GCNA: variants seen among roughly 807,000 people sequenced by gnomAD.
The protein encoded by GCNA is germ cell nuclear acidic peptidase, also known as germ cell nuclear acidic protein.
GCNA carries 3 observed loss-of-function variants against 38.8 expected under a neutral mutation model. That is an observed-to-expected ratio of 0.08 (90% CI 0.04 to 0.20). The LOEUF is 0.20. GCNA is among the 10% of genes least tolerant of loss of function. The probability of loss-of-function intolerance (pLI) is 1.00; values close to 1 mark genes in which losing one functional copy is unlikely to be tolerated. For synonymous variants in GCNA, 195 were observed against 240.2 expected (o/e 0.81, Z 1.74); for missense variants, 446 against 578.6 (o/e 0.77, Z 2.35).
intron 2 of GCNA, among the ~76,000 whole-genome samples, chrX:71,591,066 G>T (rs1481349274): frequency 1.8e-5 from 2 of 111,394 alleles, no homozygotes; most frequent in African/African-American, 6.5e-5. Context: ...ATCCTCTGTG[G>T]ACTACGTGTC....
intron 2 of GCNA, among the ~76,000 whole-genome samples, chrX:71,585,364 A>G (rs2040578090): frequency 9.1e-6 from 1 of 110,389 alleles, no homozygotes; most frequent in African/African-American, 3.3e-5. Context: ...CAGCTCCATG[A>G]CCCTCAGTCA....
intron 9 of GCNA, among the ~76,000 whole-genome samples, chrX:71,607,901 A>T (rs1330635711): frequency 8.9e-6 from 1 of 112,863 alleles, no homozygotes; most frequent in Non-Finnish European, 1.9e-5. Context: ...GGGAAATTGC[A>T]ATTTGTGTCC....
intron 10 of GCNA, 95 bp from the exon 11 acceptor site, chrX:71,610,586 C>T (rs1394761967): frequency 9.3e-7 from 1 of 1,072,993 alleles, no homozygotes; most frequent in Non-Finnish European, 1.2e-6. Flanking sequence ...GCACTCCAGC[C>T]TGGGCAACAA....
At chrX:71,605,592 C>T in intron 8 of GCNA, 71 bp from the exon 9 acceptor site, 1 of 959,798 alleles carries the variant, frequency 1.0e-6, no homozygotes, top group South Asian at 2.2e-5. Flanking sequence ...TTGGGTTTAC[C>T]TTTCTGTTGG....
chrX:71,612,667 T>G, intron 12 of GCNA, 108 bp downstream of exon 12: 1 of 886,308 alleles, frequency 1.1e-6, no homozygotes, highest in Non-Finnish European at 1.6e-6. Flanking sequence ...GGAGAACCTC[T>G]CTCCTCCTTT....
At chrX:71,612,728 T>G in intron 12 of GCNA, 134 bp from the exon 13 acceptor site, 1 of 1,017,317 alleles carries the variant, frequency 9.8e-7, no homozygotes, top group Non-Finnish European at 1.3e-6. Flanking sequence ...GCCTGACCAC[T>G]GCTGCCGCTT....
rs768953247 is a variant in GCNA at position 71,612,890 on chromosome X, A to T, written c.1984A>T (p.Thr662Ser). The change falls in exon 13 of 13, where the codon ACC (threonine) becomes TCC (serine). Residue 662 changes from threonine to serine, a missense_variant. Transcript: ENST00000373696. ...TGGCTGCTACACCAAATCGTTGGAC[A>T]CCAGCCGCTTCATCTGTGCCAAATG... ...RIGCYTKSLDTSRFICAKCKG... is the reference protein window; with the variant it reads ...RIGCYTKSLDSSRFICAKCKG... The T allele has an allele frequency of 8.3e-7, 1 of 1,211,135 alleles. No homozygotes were observed. Among genetic ancestry groups the T allele is most frequent in the East Asian group, 3.0e-5 (1 of 33,846 alleles).
chrX:71,608,398 G>A (rs892149222), intron 9 of GCNA, among the ~76,000 whole-genome samples: 28 of 111,442 alleles, frequency 2.5e-4, no homozygotes, highest in African/African-American at 8.5e-4. Flanking sequence ...TCAGCCTCCC[G>A]AGTAGCTGGG....
chrX:71,604,223 G>A lies in GCNA; in HGVS notation c.946G>A (p.Glu316Lys), dbSNP rs779033693. The change falls in exon 8 of 13, where the codon GAA becomes AAA. Residue 316 changes from glutamate to lysine, a missense_variant. Around this residue, in one of 7 missense-constraint regions of GCNA, gnomAD observed 160 missense variants for 165.2 expected, o/e 0.97. Coordinates refer to ENST00000373696, the MANE Select transcript of GCNA (RefSeq NM_052957.5). ...DDKSDDSDVP[E>K]DKSDDSDVPD... The stretch of plus-strand genomic sequence containing the variant: ...CAAGAGTGATGATTCGGATGTTCCC[G>A]AAGACAAGAGTGATGATTCGGATGT... 7 of 1,211,554 alleles carry A rather than the reference G, an allele frequency of 5.8e-6. No homozygotes were observed. The African/African-American group carries it at 6.9e-5, about 12-fold the overall frequency.
At chrX:71,595,064 G>A (rs1311066588) in intron 6 of GCNA, among the ~76,000 whole-genome samples, 2 of 110,657 alleles carry the variant, frequency 1.8e-5, no homozygotes, top group Non-Finnish European at 3.8e-5. Flanking sequence ...AGCCCTTTTT[G>A]GTGTTTGCTC....
intron 10 of GCNA, 86 bp downstream of exon 10, chrX:71,609,203 C>A: frequency 1.0e-6 from 1 of 970,866 alleles, no homozygotes; most frequent in Non-Finnish European, 1.4e-6. Flanking sequence ...ATGTATACTT[C>A]CTGCCCTTGA....
intron 2 of GCNA, among the ~76,000 whole-genome samples, chrX:71,581,977 A>G (rs892256473): frequency 1.8e-3 from 190 of 104,252 alleles, no homozygotes; most frequent in South Asian, 3.3e-3. Flanking sequence ...GCTCTCTGGG[A>G]AAAAAAAAAA....
Position 71,604,575 on chromosome X carries a change from A to C in GCNA, c.1298A>C (p.Asn433Thr), listed in dbSNP as rs765238698. 1 of 1,195,862 alleles carries C rather than the reference A, an allele frequency of 8.4e-7. No individual in the cohort carries two copies. Among genetic ancestry groups the C allele is most frequent in the Non-Finnish European group, 1.1e-6 (1 of 887,148 alleles). ...PPRKRQTKTK[N>T]IVEPPRKRQT... ...AGGAAAAGGCAGACAAAGACCAAAA[A>C]TATAGTGGAGCCACCAAGGAAAAGG... is the stretch of plus-strand genomic sequence containing the variant. Residue 433 changes from asparagine (N) to threonine (T), a missense_variant, in exon 8 of 13, where the codon AAT becomes ACT. Around this residue, in one of 7 missense-constraint regions of GCNA, gnomAD observed 160 missense variants for 165.2 expected, o/e 0.97. Transcript: ENST00000373696.
chrX:71,602,919 GATTT>G lies in GCNA; in HGVS notation c.311-666_311-663del, dbSNP rs764877595. Among the ~76,000 whole-genome samples the G allele has an allele frequency of 6.4e-4, 72 of 112,455 alleles. No homozygotes were observed. In the East Asian group the frequency reaches 0.016, roughly 25 times the overall value. ...AGTAGTTTCATAGTTTGAGGTCTTAGATTTATGTCTTTAATCCATTTTGATTTGA... is the reference window on the plus strand; with the variant it reads ...AGTAGTTTCATAGTTTGAGGTCTTAGATGTCTTTAATCCATTTTGATTTGA... On this transcript the variant is annotated intron_variant, in intron 7 of 12. Coordinates refer to ENST00000373696, the MANE Select transcript of GCNA (RefSeq NM_052957.5).
At chrX:71,595,651 G>A (rs1949512799) in intron 6 of GCNA, among the ~76,000 whole-genome samples, 1 of 111,728 alleles carries the variant, frequency 9.0e-6, no homozygotes, top group Non-Finnish European at 1.9e-5. Flanking sequence ...CTTGATGGAG[G>A]GGTGTTTCCC....
At chrX:71,581,100 TGAC>T (rs771470952) in intron 2 of GCNA, among the ~76,000 whole-genome samples, 5 of 111,948 alleles carry the variant, frequency 4.5e-5, no homozygotes, top group Non-Finnish European at 9.4e-5. Flanking sequence ...GGCCAGGAAA[TGAC>T]GACATTTGAG....
chrX:71,601,001 C>A (rs1204462170), intron 7 of GCNA, among the ~76,000 whole-genome samples: 2 of 111,755 alleles, frequency 1.8e-5, no homozygotes, highest in Admixed American at 9.5e-5. Context: ...GTTAACTATT[C>A]TTCTATTCTC....
intron 8 of GCNA, 147 bp downstream of exon 8, chrX:71,604,823 T>A (rs1274441601): frequency 3.1e-5 from 25 of 814,905 alleles, no homozygotes; most frequent in Non-Finnish European, 4.1e-5. Context: ...TCCATCCCAG[T>A]GCAAGGATGG....
At chrX:71,599,104 G>A (rs1316836582) in intron 7 of GCNA, among the ~76,000 whole-genome samples, 1 of 109,064 alleles carries the variant, frequency 9.2e-6, no homozygotes, top group Admixed American at 9.8e-5. Context: ...CAATCTGCTT[G>A]CCTTGGCCTC....
Sources: gnomAD v4.1 joint callset for allele counts (sites outside exome capture counted in the v4.1 genomes callset) on GRCh38, gnomAD v4.1.1 for gene constraint, gnomAD v4.1.1 regional missense constraint, MANE v1.5 for transcripts, NCBI Gene and HGNC (gene_info 2026-07-23, HGNC 2026-07-21) for gene names.